The following SDHB variants were observed in gnomAD, a reference collection of about 807,000 sequenced individuals.
SDHB encodes the protein succinate dehydrogenase [ubiquinone] iron-sulfur subunit, mitochondrial.
In SDHB, 21 loss-of-function variants were observed where a neutral mutation model predicts 39.7. The ratio of observed to expected loss-of-function variants is 0.53; its 90% CI spans 0.37 to 0.76. The LOEUF (loss-of-function observed/expected upper bound fraction) is 0.76, where lower values mean the gene tolerates loss of function less well. Among genes scored for constraint, SDHB ranks in the 30% least tolerant of loss-of-function variants. The pLI is 0.00. For missense variants in SDHB, 343 were observed against 350.9 expected (o/e 0.98, Z 0.18); for synonymous variants, 118 against 117.0 (o/e 1.01, Z -0.06).
At chr1:17,035,698 A>T (rs999397278) in intron 2 of SDHB, among the ~76,000 whole-genome samples, 2 of 151,970 alleles carry the variant, frequency 1.3e-5, no homozygotes, top group African/African-American at 4.8e-5. Flanking sequence ...GTCTCTACTA[A>T]AAATACAAAA....
chr1:17,047,424 C>T (rs1281152513), intron 1 of SDHB, among the ~76,000 whole-genome samples: 3 of 152,026 alleles, frequency 2.0e-5, no homozygotes, highest in Non-Finnish European at 4.4e-5. Context: ...CACCTGTAAT[C>T]CCAGCACTTT....
At position 17,028,590 on chromosome 1, in the gene SDHB, A is replaced by G. The variant is rs201600439; in HGVS notation, c.423+10T>C. On this transcript the variant is annotated intron_variant, in intron 4 of 7. Transcript: ENST00000375499. The stretch of plus-strand genomic sequence containing the variant: ...AATAAAAACAAAACCAGAGAGATGC[A>G]GAAACTCACGGGAACAAGATCCTTT... The G allele has an allele frequency of 1.2e-6, 2 of 1,614,088 alleles. No homozygotes were observed. Among genetic ancestry groups the G allele is most frequent in the Non-Finnish European group, 1.7e-6 (2 of 1,179,988 alleles).
chr1:17,022,563 C>T lies in SDHB; in HGVS notation c.765+45G>A, dbSNP rs201923876. The T allele has an allele frequency of 4.6e-5, 74 of 1,610,602 alleles. No individual in the cohort carries two copies. The highest frequency in any genetic ancestry group is 2.8e-4 in the African/African-American group (21 of 74,848). ...CTTTGTGAGCACATGCTACTTCTGG[C>T]GTGTCAGCTCTGAGGCAGAGCTGAG... On this transcript the variant is annotated intron_variant, in intron 7 of 7. Coordinates refer to ENST00000375499, the MANE Select transcript of SDHB (RefSeq NM_003000.3).
At chr1:17,031,881 C>T (rs751026852) in intron 3 of SDHB, among the ~76,000 whole-genome samples, 3 of 152,108 alleles carry the variant, frequency 2.0e-5, no homozygotes, top group Non-Finnish European at 2.9e-5. Context: ...GGCTGACTCC[C>T]GGCTCTCAAG....
Position 17,053,931 on chromosome 1 carries a change from G to A in SDHB, c.72+17C>T, listed in dbSNP as rs1031878905. 2 of 1,606,446 alleles carry A rather than the reference G, an allele frequency of 1.2e-6. No homozygotes were observed. The highest frequency in any genetic ancestry group is 1.7e-6 in the Non-Finnish European group (2 of 1,174,282). On this transcript the variant is annotated intron_variant, in intron 1 of 7. Coordinates refer to ENST00000375499, the MANE Select transcript of SDHB (RefSeq NM_003000.3). Reference sequence around the variant, plus strand: ...TGGCTTTCCTGACTTTTCCCTCTCTGAGGCTCCAGGACTCACCTGCAGGCA... The same window carrying A: ...TGGCTTTCCTGACTTTTCCCTCTCTAAGGCTCCAGGACTCACCTGCAGGCA...
At chr1:17,035,399 T>C (rs903864481) in intron 2 of SDHB, among the ~76,000 whole-genome samples, 6 of 152,192 alleles carry the variant, frequency 3.9e-5, no homozygotes, top group African/African-American at 1.4e-4. Flanking sequence ...GTAATACCTT[T>C]CTCCCATATT....
intron 1 of SDHB, among the ~76,000 whole-genome samples, chr1:17,052,890 G>A (rs2078156484): frequency 6.6e-6 from 1 of 152,172 alleles, no homozygotes; most frequent in Non-Finnish European, 1.5e-5. Context: ...TCTATGCTAA[G>A]GAGTTTTTCT....
chr1:17,037,048 A>AT (rs1233086355), intron 2 of SDHB, among the ~76,000 whole-genome samples: 1 of 152,066 alleles, frequency 6.6e-6, no homozygotes, highest in African/African-American at 2.4e-5. Flanking sequence ...GAATATAGCT[A>AT]TTTTTTGTGT....
intron 1 of SDHB, among the ~76,000 whole-genome samples, chr1:17,052,647 T>A (rs2078155301): frequency 6.6e-6 from 1 of 152,196 alleles, no homozygotes; most frequent in South Asian, 2.1e-4. Context: ...GATGTCAGCT[T>A]GAGGCTCTGG....
chr1:17,053,562 G>T (rs968246219), intron 1 of SDHB, among the ~76,000 whole-genome samples: 2 of 152,096 alleles, frequency 1.3e-5, no homozygotes, highest in Non-Finnish European at 2.9e-5. Flanking sequence ...ACACCCCGCA[G>T]GTCTCCCTTT....
chr1:17,035,530 T>C (rs1270312496), intron 2 of SDHB, among the ~76,000 whole-genome samples: 1 of 152,156 alleles, frequency 6.6e-6, no homozygotes, highest in African/African-American at 2.4e-5. Flanking sequence ...TTTTTTACAT[T>C]ACAAAGGCTA....
intron 3 of SDHB, chr1:17,032,423 G>A (rs2078028940): frequency 6.5e-6 from 1 of 153,112 alleles, no homozygotes; most frequent in Non-Finnish European, 1.5e-5. Flanking sequence ...CCTGACGCCA[G>A]CTGATCCACC....
At chr1:17,026,143 C>T (rs921521896) in intron 5 of SDHB, among the ~76,000 whole-genome samples, 2 of 152,136 alleles carry the variant, frequency 1.3e-5, no homozygotes, top group African/African-American at 4.8e-5. Context: ...ACCAGCCTTG[C>T]CTAGGAATGC....
At chr1:17,037,741 G>A (rs1432852437) in intron 2 of SDHB, among the ~76,000 whole-genome samples, 1 of 152,032 alleles carries the variant, frequency 6.6e-6, no homozygotes, top group African/African-American at 2.4e-5. Context: ...ACAGGCGTGA[G>A]CCATCGCACC....
intron 3 of SDHB, among the ~76,000 whole-genome samples, chr1:17,030,370 C>G (rs929252121): frequency 6.6e-6 from 1 of 152,032 alleles, no homozygotes; most frequent in African/African-American, 2.4e-5. Context: ...TCATAAAATA[C>G]GCAGCATAGT....
At chr1:17,032,864 T>C in intron 3 of SDHB, 196 bp downstream of exon 3, 1 of 642,316 alleles carries the variant, frequency 1.6e-6, no homozygotes, top group Non-Finnish European at 2.8e-6. Context: ...TGAAGGAAAG[T>C]AAACTCAGAA....
At chr1:17,045,812 C>T (rs946201483) in intron 1 of SDHB, among the ~76,000 whole-genome samples, 1 of 152,156 alleles carries the variant, frequency 6.6e-6, no homozygotes, top group African/African-American at 2.4e-5. Context: ...GCCAAGTCTT[C>T]ATTTGCATAG....
chr1:17,021,136 T>A (rs997681708), intron 7 of SDHB, among the ~76,000 whole-genome samples: 1 of 152,178 alleles, frequency 6.6e-6, no homozygotes. Flanking sequence ...CTGCTATGGT[T>A]TGAATGTGTC....
Position 17,024,045 on chromosome 1 carries a change from G to A in SDHB, c.570C>T (p.Ala190=). ...AGCTGGGGCAGCTGGTGCTACAGCA[G>A]GCACAGAGAATGCACTCGTAGAGCC... ...LDGLYECILC[A]CCSTSCPSYW... is the part of the protein sequence containing the mutation. Residue 190 remains alanine (A), a synonymous_variant, in exon 6 of 8, where the codon GCC becomes GCT. Transcript: ENST00000375499. 1.2e-6 allele frequency: 2 copies of A among 1,613,854 alleles called. No homozygotes were observed. The highest frequency in any genetic ancestry group is 2.2e-5 in the East Asian group (1 of 44,882).
Sources: gnomAD v4.1 joint callset for allele counts (sites outside exome capture counted in the v4.1 genomes callset) on GRCh38, gnomAD v4.1.1 for gene constraint, MANE v1.5 for transcripts, NCBI Gene and HGNC (gene_info 2026-07-23, HGNC 2026-07-21) for gene names.